NUS1: variants seen among roughly 807,000 people sequenced by gnomAD.
NUS1 encodes dehydrodolichyl diphosphate synthase complex subunit NUS1.
For missense variants in NUS1, 292 were observed against 382.9 expected (o/e 0.76, Z 1.98); for synonymous variants, 135 against 155.2 (o/e 0.87, Z 0.97).
Position 117,675,661 on chromosome 6 carries a change from C to G in NUS1, c.-10C>G, listed in dbSNP as rs1365572053. ...GGGAGGGAGAGGGGGTGTCTGAGGG[C>G]CACAAGAGTATGACGGGGCTGTACG... On this transcript the variant is annotated 5_prime_UTR_variant, in exon 1 of 5. Coordinates refer to ENST00000368494, the MANE Select transcript of NUS1 (RefSeq NM_138459.5). 2.9e-6 allele frequency: 4 copies of G among 1,388,016 alleles called. No homozygotes were observed. Among genetic ancestry groups the G allele is most frequent in the Non-Finnish European group, 4.0e-6 (4 of 1,003,908 alleles). 86.0% of individuals were successfully genotyped at this position (1,388,016 alleles called of 1,614,324 possible).
At position 117,690,979 on chromosome 6, in the gene NUS1, CA is replaced by C. The variant is rs71736900; in HGVS notation, c.416-2041del. Reference sequence around the variant, plus strand: ...TGAGTGACAGAGTGAGAGTCTGTCTCAAAAAAAAAAAAAAAAAAAAAAGATT... The same window carrying C: ...TGAGTGACAGAGTGAGAGTCTGTCTCAAAAAAAAAAAAAAAAAAAAAGATT... On this transcript the variant is annotated intron_variant, in intron 1 of 4. Coordinates refer to ENST00000368494, the MANE Select transcript of NUS1 (RefSeq NM_138459.5). 3.7e-3 allele frequency among the ~76,000 whole-genome samples: 269 copies of C among 73,278 alleles called. 1 individual carries two copies. Among genetic ancestry groups the C allele is most frequent in the African/African-American group, 0.013 (219 of 16,596 alleles). 48.1% of individuals were successfully genotyped at this position (73,278 alleles called of 152,430 possible). A position where few individuals can be genotyped will look rare whatever the true frequency, so the allele number is the denominator to read the frequency against.
chr6:117,689,890 GA>G (rs1280536891), intron 1 of NUS1, among the ~76,000 whole-genome samples: 3 of 152,090 alleles, frequency 2.0e-5, no homozygotes, highest in African/African-American at 7.2e-5. Context: ...AGAAATTTTT[GA>G]AGTTTATATG....
At chr6:117,676,224 T>A in intron 1 of NUS1, 139 bp downstream of exon 1, 1 of 1,321,150 alleles carries the variant, frequency 7.6e-7, no homozygotes, top group Non-Finnish European at 1.0e-6. Flanking sequence ...GGAAGGGAGA[T>A]CAGCTTTATT....
intron 1 of NUS1, among the ~76,000 whole-genome samples, chr6:117,690,370 T>C (rs1163858697): frequency 6.6e-6 from 1 of 152,198 alleles, no homozygotes. Flanking sequence ...CTAATCGTTA[T>C]TCTTGTGTAT....
In NUS1 at chr6:117,709,774, A is replaced by G. The variant is rs1331179293; in HGVS notation, c.*2759A>G. 6.5e-6 allele frequency: 1 copy of G among 152,700 alleles called. No individual in the cohort carries two copies. The highest frequency in any genetic ancestry group is 2.1e-4 in the South Asian group (1 of 4,822). The allele number at this position is 152,700 out of a possible 1,614,324, so 9.5% of individuals were successfully genotyped here. On this transcript the variant is annotated 3_prime_UTR_variant, in exon 5 of 5. Coordinates refer to ENST00000368494, the MANE Select transcript of NUS1 (RefSeq NM_138459.5). The stretch of plus-strand genomic sequence containing the variant: ...TTTTATTATTGAAAGTTGAAACTTA[A>G]CATGTATGAACAAAAACCAATAAAA...
At chr6:117,685,541 A>G (rs1311068637) in intron 1 of NUS1, among the ~76,000 whole-genome samples, 1 of 151,968 alleles carries the variant, frequency 6.6e-6, no homozygotes, top group Non-Finnish European at 1.5e-5. Flanking sequence ...TTATAAAGAC[A>G]GGGTCTTGCT....
chr6:117,677,176 C>G (rs971723057), intron 1 of NUS1, among the ~76,000 whole-genome samples: 2 of 152,194 alleles, frequency 1.3e-5, no homozygotes, highest in African/African-American at 2.4e-5. Flanking sequence ...TCCTTGGAAT[C>G]TTGCATTTAA....
At chr6:117,685,799 A>G (rs1428666266) in intron 1 of NUS1, among the ~76,000 whole-genome samples, 1 of 152,194 alleles carries the variant, frequency 6.6e-6, no homozygotes, top group Non-Finnish European at 1.5e-5. Flanking sequence ...AGTCACTCCT[A>G]AAGAATTCAA....
chr6:117,685,860 C>CAAG (rs1773129417), intron 1 of NUS1, among the ~76,000 whole-genome samples: 1 of 151,886 alleles, frequency 6.6e-6, no homozygotes, highest in African/African-American at 2.4e-5. Context: ...AAAAAGAGCT[C>CAAG]TGGAGTCAGG....
intron 4 of NUS1, among the ~76,000 whole-genome samples, chr6:117,704,570 C>G (rs1773475317): frequency 6.6e-6 from 1 of 152,106 alleles, no homozygotes; most frequent in African/African-American, 2.4e-5. Flanking sequence ...GTATCAGGCT[C>G]CTGGGCTGTA....
chr6:117,676,425 A>G (rs996213885), intron 1 of NUS1, among the ~76,000 whole-genome samples: 3 of 151,936 alleles, frequency 2.0e-5, no homozygotes, highest in Admixed American at 2.0e-4. Flanking sequence ...CTAAAAATAC[A>G]AGTTTAGTCG....
intron 3 of NUS1, among the ~76,000 whole-genome samples, chr6:117,698,464 C>T (rs1404431095): frequency 2.0e-5 from 3 of 151,864 alleles, no homozygotes; most frequent in African/African-American, 7.2e-5. Flanking sequence ...CAAGATTGAA[C>T]CATGAAGAAA....
intron 1 of NUS1, among the ~76,000 whole-genome samples, chr6:117,692,350 C>CT (rs200018137): frequency 1.3e-5 from 2 of 150,476 alleles, no homozygotes; most frequent in African/African-American, 4.9e-5. Context: ...AGACTTGTTC[C>CT]TTTTTTTTTA....
At chr6:117,703,323 G>A (rs753736787) in intron 3 of NUS1, among the ~76,000 whole-genome samples, 9 of 152,170 alleles carry the variant, frequency 5.9e-5, no homozygotes, top group Non-Finnish European at 1.0e-4. Context: ...CACCTATTGG[G>A]TATAGTGTGG....
rs1250234517 is a variant in NUS1 at position 117,693,175 on chromosome 6, T to C, written c.541+8T>C. 2.5e-6 allele frequency: 4 copies of C among 1,610,784 alleles called. No homozygotes were observed. The highest frequency in any genetic ancestry group is 1.7e-4 in the Middle Eastern group (1 of 6,044). On this transcript the variant is annotated splice_region_variant and intron_variant, in intron 2 of 4. Transcript: ENST00000368494. ...ATGACAAAGATGATCAAGGTAAGCA[T>C]GAGTGTATAATTGAACATGTAACAT...
chr6:117,705,577 G>A (rs544618686), intron 4 of NUS1, among the ~76,000 whole-genome samples: 1 of 152,126 alleles, frequency 6.6e-6, no homozygotes, highest in South Asian at 2.1e-4. Flanking sequence ...TACCCTCTAC[G>A]AGACTGAGCA....
intron 3 of NUS1, among the ~76,000 whole-genome samples, chr6:117,697,599 G>C (rs942209070): frequency 6.6e-6 from 1 of 152,078 alleles, no homozygotes; most frequent in African/African-American, 2.4e-5. Flanking sequence ...ATTTTAGCAA[G>C]AGGATATGAC....
chr6:117,680,783 A>G (rs2114678184), intron 1 of NUS1, among the ~76,000 whole-genome samples: 1 of 152,356 alleles, frequency 6.6e-6, no homozygotes, highest in South Asian at 2.1e-4. Context: ...GTAAATTGGA[A>G]TGATCCAGAA....
chr6:117,700,932 G>C (rs1773396614), intron 3 of NUS1, among the ~76,000 whole-genome samples: 1 of 151,880 alleles, frequency 6.6e-6, no homozygotes, highest in African/African-American at 2.4e-5. Context: ...AGAGAGTAGA[G>C]GATGGTTGCT....
Sources: gnomAD v4.1 joint callset for allele counts (sites outside exome capture counted in the v4.1 genomes callset) on GRCh38, gnomAD v4.1.1 for gene constraint, MANE v1.5 for transcripts, NCBI Gene and HGNC (gene_info 2026-07-23, HGNC 2026-07-21) for gene names.